The following GRIK1 variants were observed in gnomAD, a reference collection of about 807,000 sequenced individuals.
GRIK1 encodes the protein glutamate receptor ionotropic, kainate 1.
A neutral mutation model predicts 105.7 loss-of-function variants in GRIK1; 69 were observed. The ratio of observed to expected loss-of-function variants is 0.65; its 90% CI spans 0.54 to 0.80. The LOEUF is 0.80. Among genes scored for constraint, GRIK1 ranks in the 30% least tolerant of loss-of-function variants. GRIK1 has a pLI of 0.00. For missense variants in GRIK1, 1,109 were observed against 1,167.3 expected (o/e 0.95, Z 0.73); for synonymous variants, 438 against 431.3 (o/e 1.02, Z -0.19).
chr21:29,599,727 T>C (rs1174257046), intron 7 of GRIK1, among the ~76,000 whole-genome samples: 2 of 151,828 alleles, frequency 1.3e-5, no homozygotes, highest in Non-Finnish European at 1.5e-5. Flanking sequence ...AAGGTGGAGG[T>C]TGTGGTGAGC....
At chr21:29,706,091 C>T (rs1022696134) in intron 1 of GRIK1, among the ~76,000 whole-genome samples, 11 of 152,064 alleles carry the variant, frequency 7.2e-5, no homozygotes, top group Non-Finnish European at 1.5e-4. Flanking sequence ...CCAGGCTGGT[C>T]TCAAACTCCT....
intron 9 of GRIK1, among the ~76,000 whole-genome samples, chr21:29,592,098 C>T (rs150442473): frequency 2.1e-3 from 324 of 152,176 alleles, no homozygotes; most frequent in African/African-American, 7.5e-3. Context: ...TGAAAGAAAA[C>T]ATGTCATGTG....
rs201735605 is a variant in GRIK1, at chr21:29,878,813, G to A, written c.118+60570C>T. 1.1e-4 allele frequency among the ~76,000 whole-genome samples: 16 copies of A among 152,110 alleles called. 1 individual carries two copies. The East Asian group carries it at 3.1e-3, about 29-fold the overall frequency. On this transcript the variant is annotated intron_variant, in intron 1 of 17. Transcript: ENST00000327783. ...CAAATCTGCCAGCACCTTGATCTTG[G>A]ACTTCCCAGCCTCCGAATCTATGAG...
At chr21:29,557,483 A>T (rs1157407868) in intron 15 of GRIK1, among the ~76,000 whole-genome samples, 2 of 152,180 alleles carry the variant, frequency 1.3e-5, no homozygotes, top group African/African-American at 4.8e-5. Context: ...CAGTGTTCCC[A>T]ACCATTACTC....
At chr21:29,627,713 AT>A (rs2062164277) in intron 7 of GRIK1, among the ~76,000 whole-genome samples, 1 of 152,208 alleles carries the variant, frequency 6.6e-6, no homozygotes, top group South Asian at 2.1e-4. Flanking sequence ...GGAATTCCCT[AT>A]TGGCCTGTGA....
intron 4 of GRIK1, among the ~76,000 whole-genome samples, chr21:29,667,720 C>T (rs2063088373): frequency 6.6e-6 from 1 of 152,144 alleles, no homozygotes; most frequent in South Asian, 2.1e-4. Context: ...ATTGGCCCAG[C>T]CCCCAGGGAG....
intron 16 of GRIK1, among the ~76,000 whole-genome samples, chr21:29,548,990 CTA>C (rs1373411382): frequency 6.6e-6 from 1 of 152,172 alleles, no homozygotes; most frequent in African/African-American, 2.4e-5. Flanking sequence ...TTGGACAACA[CTA>C]TGTTTCATTG....
At position 29,939,517 on chromosome 21, in the gene GRIK1, T is replaced by C; in HGVS notation, c.-17A>G. The C allele has an allele frequency of 1.1e-5, 16 of 1,507,112 alleles. No homozygotes were observed. The highest frequency in any genetic ancestry group is 1.4e-5 in the Non-Finnish European group (16 of 1,111,156). The allele number at this position is 1,507,112 out of a possible 1,614,324, so 93.4% of individuals were successfully genotyped here. ...GTGCTCCATCTTCCTAGCTTCTTAA[T>C]TCATGCCGAGATACAGCCGCTGCCG... is the stretch of plus-strand genomic sequence containing the variant. On this transcript the variant is annotated 5_prime_UTR_variant, in exon 1 of 18. Coordinates refer to ENST00000327783, the MANE Select transcript of GRIK1 (RefSeq NM_001330994.2).
At chr21:29,756,796 G>T (rs1466993887) in intron 1 of GRIK1, among the ~76,000 whole-genome samples, 2 of 152,104 alleles carry the variant, frequency 1.3e-5, no homozygotes, top group Non-Finnish European at 2.9e-5. Flanking sequence ...TATCATATTT[G>T]TTCGTTTTAG....
intron 1 of GRIK1, among the ~76,000 whole-genome samples, chr21:29,819,154 A>C (rs1381225439): frequency 6.6e-6 from 1 of 152,152 alleles, no homozygotes; most frequent in East Asian, 1.9e-4. Flanking sequence ...TATATATTGA[A>C]ATACTATTCG....
At chr21:29,616,213 C>T (rs918877185) in intron 7 of GRIK1, among the ~76,000 whole-genome samples, 1 of 152,116 alleles carries the variant, frequency 6.6e-6, no homozygotes, top group Admixed American at 6.5e-5. Flanking sequence ...CCTTTTTGGC[C>T]TCTTCTGCTA....
At chr21:29,672,866 C>A in intron 4 of GRIK1, 117 bp downstream of exon 4, 1 of 731,316 alleles carries the variant, frequency 1.4e-6, no homozygotes, top group South Asian at 1.8e-5. Flanking sequence ...TAATCTTTAG[C>A]ATAAACGGGA....
In GRIK1 at chr21:29,561,770, T is replaced by C; in HGVS notation, c.2210A>G (p.Asp737Gly). 2 of 1,613,766 alleles carry C rather than the reference T, an allele frequency of 1.2e-6. No individual in the cohort carries two copies. Among genetic ancestry groups the C allele is most frequent in the Non-Finnish European group, 1.7e-6 (2 of 1,179,668 alleles). The part of the protein sequence containing the change: ...RQQTALVRNS[D>G]EGIQRVLTTD... ...GGTGAGCACTCTCTGGATCCCCTCA[T>C]CACTGTTTCTTACCAGGGCGGTCTG... The change falls in exon 15 of 18, where the codon GAT becomes GGT. Residue 737 changes from aspartate (D) to glycine (G), a missense_variant. Coordinates refer to ENST00000327783, the MANE Select transcript of GRIK1 (RefSeq NM_001330994.2).
chr21:29,822,942 G>T (rs78159677), intron 1 of GRIK1, among the ~76,000 whole-genome samples: 2 of 151,856 alleles, frequency 1.3e-5, no homozygotes, highest in Admixed American at 6.6e-5. Context: ...CTAAAATATC[G>T]CAAAATGGCA....
At chr21:29,537,973 T>C in intron 16 of GRIK1, 89 bp from the exon 17 acceptor site, 2 of 660,818 alleles carry the variant, frequency 3.0e-6, no homozygotes, top group South Asian at 3.8e-5. Flanking sequence ...GATGCAGCTG[T>C]GGTCGAAATG....
intron 1 of GRIK1, among the ~76,000 whole-genome samples, chr21:29,782,651 ACTT>A (rs2066155184): frequency 6.6e-6 from 1 of 152,212 alleles, no homozygotes; most frequent in Non-Finnish European, 1.5e-5. Flanking sequence ...GATTTGAATT[ACTT>A]ATTTCACATA....
At chr21:29,819,470 C>T (rs564445733) in intron 1 of GRIK1, among the ~76,000 whole-genome samples, 5 of 151,692 alleles carry the variant, frequency 3.3e-5, no homozygotes, top group Admixed American at 1.3e-4. Context: ...ATGTTGTGTG[C>T]TTGTGTGTCT....
At chr21:29,585,548 CAG>C (rs2091112572) in intron 12 of GRIK1, among the ~76,000 whole-genome samples, 1 of 152,134 alleles carries the variant, frequency 6.6e-6, no homozygotes, top group African/African-American at 2.4e-5. Context: ...ACTGCCTAGA[CAG>C]AGCCTCAGAC....
intron 9 of GRIK1, among the ~76,000 whole-genome samples, chr21:29,593,573 T>C (rs948427243): frequency 2.0e-5 from 3 of 151,998 alleles, no homozygotes; most frequent in Admixed American, 1.3e-4. Context: ...CCATGAAGAG[T>C]GTGTGTAAAT....
Sources: gnomAD v4.1 joint callset for allele counts (sites outside exome capture counted in the v4.1 genomes callset) on GRCh38, gnomAD v4.1.1 for gene constraint, MANE v1.5 for transcripts, NCBI Gene and HGNC (gene_info 2026-07-23, HGNC 2026-07-21) for gene names.